OR10G3: variants seen among roughly 807,000 people sequenced by gnomAD.
OR10G3 encodes olfactory receptor 10G3.
A neutral mutation model predicts 13.4 loss-of-function variants in OR10G3; 8 were observed. The observed-to-expected ratio is 0.60, with a 90% CI of 0.35 to 1.08. The LOEUF (loss-of-function observed/expected upper bound fraction) is 1.08. Among genes scored for constraint, OR10G3 ranks in the 50% least tolerant of loss-of-function variants. The probability of loss-of-function intolerance (pLI) is 0.02; values close to 1 mark genes in which losing one functional copy is unlikely to be tolerated. For synonymous variants in OR10G3, 142 were observed against 156.1 expected, an observed-to-expected ratio of 0.91 and a Z score of 0.67; for missense variants, 393 against 386.6, an observed-to-expected ratio of 1.02 and a Z score of -0.14.
At chr14:21,571,210 C>G (rs940898122) in intron 1 of OR10G3, among the ~76,000 whole-genome samples, 1 of 152,154 alleles carries the variant, frequency 6.6e-6, no homozygotes, top group Non-Finnish European at 1.5e-5. Flanking sequence ...GTGCTCTGCC[C>G]GCTCAGAATC....
chr14:21,570,339 GCA>G lies in OR10G3; in HGVS notation c.404_405del (p.Val135AlafsTer5), dbSNP rs566425470. The G allele has an allele frequency of 1.4e-4, 229 of 1,614,210 alleles. 2 individuals are homozygous for G. The African/African-American group carries it at 2.6e-3, about 18-fold the overall frequency. The stretch of plus-strand genomic sequence containing the variant: ...AAGGCGCTCAGCTTAGCAGTCATGA[GCA>G]CAGGGTAGCGCAGGGGCTGACATAT... ...LAICQPLRYP[V>X]LMTAKLSALL... is the part of the protein sequence containing the mutation. On this transcript the variant is annotated frameshift_variant, in exon 2 of 2. Transcript: ENST00000641040. LOFTEE classifies it high-confidence loss of function.
chr14:21,570,753 G>A lies in OR10G3; in HGVS notation c.-9C>T. On this transcript the variant is annotated 5_prime_UTR_variant, in exon 2 of 2. Transcript: ENST00000641040. The stretch of plus-strand genomic sequence containing the variant: ...CTGTTGATTCTTTCCATATCCCAGA[G>A]AATCTTACCTAGAGAATGGACAAAA... The A allele has an allele frequency of 6.5e-7, 1 of 1,548,534 alleles. No individual in the cohort carries two copies. Among genetic ancestry groups the A allele is most frequent in the Non-Finnish European group, 8.7e-7 (1 of 1,150,034 alleles).
chr14:21,570,473 T>G lies in OR10G3; in HGVS notation c.272A>C (p.Lys91Thr). The change falls in exon 2 of 2, where the codon AAA becomes ACA. Residue 91 changes from lysine to threonine, a missense_variant. Coordinates refer to ENST00000641040, the MANE Select transcript of OR10G3 (RefSeq NM_001005465.2). ...AACACAGCCACCAAATGGGATGGGT[T>G]TGACACCTAAAGTGAAGTTCATCAT... ...RLMMNFTLGV[K>T]PIPFGGCVAQ... 1 of 1,614,044 alleles carries G rather than the reference T, an allele frequency of 6.2e-7. No homozygotes were observed. The highest frequency in any genetic ancestry group is 8.5e-7 in the Non-Finnish European group (1 of 1,180,006).
At chr14:21,574,976 C>T (rs1336977435) in intron 1 of OR10G3, 1 of 152,156 alleles carries the variant, frequency 6.6e-6, no homozygotes, top group Non-Finnish European at 1.5e-5. Flanking sequence ...GCCAACTCCT[C>T]TGGGTTTCAA....
intron 1 of OR10G3, among the ~76,000 whole-genome samples, chr14:21,574,673 T>C: frequency 6.6e-6 from 1 of 151,950 alleles, no homozygotes; most frequent in Non-Finnish European, 1.5e-5. Context: ...TGGGACTGGG[T>C]GTGGTGGCTT....
chr14:21,579,204 T>C (rs1489244089), intron 1 of OR10G3, among the ~76,000 whole-genome samples: 1 of 152,108 alleles, frequency 6.6e-6, no homozygotes, highest in Non-Finnish European at 1.5e-5. Flanking sequence ...AATAGTGTTA[T>C]CCAATATTAG....
chr14:21,579,652 A>G (rs1456143659), intron 1 of OR10G3, 134 bp downstream of exon 1: 1 of 152,238 alleles, frequency 6.6e-6, no homozygotes, highest in Non-Finnish European at 1.5e-5. Flanking sequence ...CTGAGTAACT[A>G]AACAAGTAAG....
In OR10G3 at chr14:21,572,179, C is replaced by A. The variant is rs1893076517; in HGVS notation, c.-17-1418G>T. Among the ~76,000 whole-genome samples, 3 of 148,964 alleles carry A rather than the reference C, an allele frequency of 2.0e-5. No individual in the cohort carries two copies. In the South Asian group the frequency reaches 6.4e-4, roughly 32 times the overall value. On this transcript the variant is annotated intron_variant, in intron 1 of 1. Coordinates refer to ENST00000641040, the MANE Select transcript of OR10G3 (RefSeq NM_001005465.2). ...CGGTGGTGGGCACCTATAATCCCAG[C>A]TACTCGGGAGGCTGAGGCAGGAGAA...
chr14:21,573,693 T>A (rs1374428503), intron 1 of OR10G3, among the ~76,000 whole-genome samples: 3 of 151,100 alleles, frequency 2.0e-5, no homozygotes, highest in Non-Finnish European at 3.0e-5. Flanking sequence ...AGTACGAAGT[T>A]TCAGTTAGAC....
Position 21,570,586 on chromosome 14 carries a change from T to C in OR10G3, c.159A>G (p.Pro53=). The change falls in exon 2 of 2, where the codon CCA becomes CCG. Residue 53 remains proline, a synonymous_variant. Coordinates refer to ENST00000641040, the MANE Select transcript of OR10G3 (RefSeq NM_001005465.2). ...TGTACATGGGGCGGGCATGGAGCCT[T>C]GGGTCTGCCCAGACAGTGATTAAAA... The part of the protein sequence containing the change: ...LLILITVWAD[P]RLHARPMYIF... The C allele has an allele frequency of 6.2e-7, 1 of 1,614,068 alleles. No homozygotes were observed. The highest frequency in any genetic ancestry group is 8.5e-7 in the Non-Finnish European group (1 of 1,180,004).
chr14:21,570,000 C>T lies in OR10G3; in HGVS notation c.745G>A (p.Val249Ile). ...FSTCGAHVTV[V>I]TVYYVPCAFI... ...GCACAGGGCACATAGTACACGGTGA[C>T]CACGGTTACATGGGCTCCACAAGTT... The change falls in exon 2 of 2, where the codon GTC becomes ATC. Residue 249 changes from valine to isoleucine, a missense_variant. Coordinates refer to ENST00000641040, the MANE Select transcript of OR10G3 (RefSeq NM_001005465.2). 1.9e-6 allele frequency: 3 copies of T among 1,614,038 alleles called. No individual in the cohort carries two copies. Among genetic ancestry groups the T allele is most frequent in the Non-Finnish European group, 2.5e-6 (3 of 1,179,916 alleles).
chr14:21,570,595 CCAGA>C lies in OR10G3; in HGVS notation c.146_149del (p.Val49GlyfsTer23). 6.2e-7 allele frequency: 1 copy of C among 1,613,892 alleles called. No individual in the cohort carries two copies. The highest frequency in any genetic ancestry group is 8.5e-7 in the Non-Finnish European group (1 of 1,179,958). ...GGCGGGCATGGAGCCTTGGGTCTGC[CCAGA>C]CAGTGATTAAAATAAGCAGGTTTCC... On this transcript the variant is annotated frameshift_variant, in exon 2 of 2. Coordinates refer to ENST00000641040, the MANE Select transcript of OR10G3 (RefSeq NM_001005465.2). LOFTEE classifies it high-confidence loss of function.
Position 21,569,590 on chromosome 14 carries a change from G to A in OR10G3, c.*213C>T, listed in dbSNP as rs930456877. 2.1e-5 allele frequency: 11 copies of A among 524,306 alleles called. No homozygotes were observed. In the African/African-American group the frequency reaches 2.1e-4, roughly 10 times the overall value. The allele number at this position is 524,306 out of a possible 1,614,324, so 32.5% of individuals were successfully genotyped here. A position where few individuals can be genotyped will look rare whatever the true frequency, so the allele number is the denominator to read the frequency against. On this transcript the variant is annotated 3_prime_UTR_variant, in exon 2 of 2. Transcript: ENST00000641040. Reference sequence around the variant, plus strand: ...ATGTGGTTTAGTTTGTGAGAATTTGGTCTCATTCTCTACTCTTGCAGTGGC... The same window carrying A: ...ATGTGGTTTAGTTTGTGAGAATTTGATCTCATTCTCTACTCTTGCAGTGGC...
At chr14:21,576,528 C>T (rs896835222) in intron 1 of OR10G3, among the ~76,000 whole-genome samples, 6 of 152,092 alleles carry the variant, frequency 3.9e-5, no homozygotes, top group Admixed American at 6.6e-5. Flanking sequence ...TGGGCAGTAA[C>T]GAAGATACAT....
intron 1 of OR10G3, among the ~76,000 whole-genome samples, chr14:21,575,604 C>A (rs1893119790): frequency 6.6e-6 from 1 of 151,968 alleles, no homozygotes; most frequent in Admixed American, 6.6e-5. Context: ...TGGTCTCGAA[C>A]CCCTGACCTC....
Position 21,570,306 on chromosome 14 carries a change from C to A in OR10G3, c.439G>T (p.Ala147Ser), listed in dbSNP as rs1893052105. 2 of 1,614,056 alleles carry A rather than the reference C, an allele frequency of 1.2e-6. No homozygotes were observed. The highest frequency in any genetic ancestry group is 3.3e-5 in the Admixed American group (2 of 59,996). Residue 147 changes from alanine (A) to serine (S), a missense_variant, in exon 2 of 2, where the codon GCT becomes TCT. Transcript: ENST00000641040. ...ATGGATCCTGCCATCCAGGCTCCAG[C>A]CACAAGCAAGGCGCTCAGCTTAGCA... ...MTAKLSALLV[A>S]GAWMAGSIHG... is the part of the protein sequence containing the mutation.
intron 1 of OR10G3, among the ~76,000 whole-genome samples, chr14:21,572,263 GC>G (rs1357106516): frequency 1.0e-5 from 1 of 97,544 alleles, no homozygotes; most frequent in Non-Finnish European, 1.9e-5. Context: ...TCCAGCCTGG[GC>G]AAAAGAGTGA....
At chr14:21,571,887 T>C (rs1893073282) in intron 1 of OR10G3, among the ~76,000 whole-genome samples, 5 of 150,906 alleles carry the variant, frequency 3.3e-5, no homozygotes. Context: ...TTGGCCAGGC[T>C]GATCTTGAAC....
chr14:21,569,934 C>A lies in OR10G3; in HGVS notation c.811G>T (p.Gly271Trp). 6.2e-7 allele frequency: 1 copy of A among 1,612,824 alleles called. No homozygotes were observed. The highest frequency in any genetic ancestry group is 8.5e-7 in the Non-Finnish European group (1 of 1,179,348). Residue 271 changes from glycine to tryptophan, a missense_variant, in exon 2 of 2, where the codon GGG (glycine) becomes TGG (tryptophan). By Grantham distance (184) the Gly-to-Trp change is radical. Transcript: ENST00000641040. ...GCCGTGGGGACTAGGGCAGCTGCCCCATCCAGGGGGCTGTTGGTTTCAGGC... is the reference window on the plus strand; with the variant it reads ...GCCGTGGGGACTAGGGCAGCTGCCCAATCCAGGGGGCTGTTGGTTTCAGGC... ...LRPETNSPLD[G>W]AAALVPTAIT...
Sources: gnomAD v4.1 joint callset for allele counts (sites outside exome capture counted in the v4.1 genomes callset) on GRCh38, gnomAD v4.1.1 for gene constraint, MANE v1.5 for transcripts, NCBI Gene and HGNC (gene_info 2026-07-23, HGNC 2026-07-21) for gene names.